Variants in ZBBX observed in about 807,000 individuals in gnomAD.
ZBBX encodes zinc finger B-box domain containing, also known as zinc finger B-box domain-containing protein 1.
In ZBBX, 101 loss-of-function variants were observed where a neutral mutation model predicts 108.5. The observed-to-expected ratio is 0.93, with a 90% CI of 0.79 to 1.10. The LOEUF (loss-of-function observed/expected upper bound fraction) is 1.10, where lower values mean the gene tolerates loss of function less well. ZBBX is among the 50% of genes least tolerant of loss of function. ZBBX has a pLI of 0.00. For missense variants in ZBBX, 1,009 were observed against 941.4 expected, an observed-to-expected ratio of 1.07 and a Z score of -0.94; for synonymous variants, 356 against 323.4, an observed-to-expected ratio of 1.10 and a Z score of -1.08.
chr3:167,355,794 T>C (rs2108518277), intron 8 of ZBBX, among the ~76,000 whole-genome samples: 1 of 152,148 alleles, frequency 6.6e-6, no homozygotes, highest in East Asian at 1.9e-4. Context: ...TTTATTCAAA[T>C]AAAATAACAT....
At chr3:167,363,391 A>C (rs1208697679) in intron 6 of ZBBX, among the ~76,000 whole-genome samples, 1 of 152,090 alleles carries the variant, frequency 6.6e-6, no homozygotes, top group Non-Finnish European at 1.5e-5. Flanking sequence ...AACTGTCCTA[A>C]GAAAGTTGAG....
the ZBBX span, among the ~76,000 whole-genome samples, chr3:167,191,772 CTTG>C: frequency 2.6e-5 from 4 of 151,440 alleles, no homozygotes; most frequent in Non-Finnish European, 5.9e-5. Flanking sequence ...ATCTTGTGAT[CTTG>C]TTGTGAAGGC....
In ZBBX at chr3:167,320,462, T is replaced by G. The variant is rs186262814; in HGVS notation, c.983+1655A>C. Among the ~76,000 whole-genome samples, 12 of 152,064 alleles carry G rather than the reference T, an allele frequency of 7.9e-5. No individual in the cohort carries two copies. The East Asian group carries it at 2.1e-3, about 27-fold the overall frequency. Reference sequence around the variant, plus strand: ...CACTTCTTTTAAGAGGAATTCCAACTAATAAATTTAGAAGGAACAAAGGAA... The same window carrying G: ...CACTTCTTTTAAGAGGAATTCCAACGAATAAATTTAGAAGGAACAAAGGAA... On this transcript the variant is annotated intron_variant, in intron 12 of 21. Coordinates refer to ENST00000675490, the MANE Select transcript of ZBBX (RefSeq NM_001199201.2).
chr3:167,356,170 G>A (rs1417719802), intron 8 of ZBBX, among the ~76,000 whole-genome samples: 1 of 151,996 alleles, frequency 6.6e-6, no homozygotes, highest in Admixed American at 6.6e-5. Flanking sequence ...AATTCAACCT[G>A]TAAGTGCCTT....
chr3:167,211,345 T>C, the ZBBX span, among the ~76,000 whole-genome samples: 5 of 152,176 alleles, frequency 3.3e-5, no homozygotes, highest in African/African-American at 7.2e-5. Context: ...CCACTCAGGC[T>C]TGTGTGGAGA....
downstream of ZBBX, among the ~76,000 whole-genome samples, chr3:167,235,647 G>T (rs1720206345): frequency 6.6e-6 from 1 of 151,500 alleles, no homozygotes; most frequent in Admixed American, 6.6e-5. Flanking sequence ...TACATTTGAA[G>T]AAATAAACCC....
At chr3:167,269,383 T>C (rs1576829149) in intron 20 of ZBBX, among the ~76,000 whole-genome samples, 1 of 152,362 alleles carries the variant, frequency 6.6e-6, no homozygotes, top group Middle Eastern at 3.4e-3. Context: ...TATTGATCCC[T>C]GAGGCAGGAA....
At chr3:167,223,575 T>A in the ZBBX span, among the ~76,000 whole-genome samples, 1 of 151,950 alleles carries the variant, frequency 6.6e-6, no homozygotes, top group African/African-American at 2.4e-5. Context: ...ATCATTGAGT[T>A]GGGTTAAACT....
At chr3:167,384,586 A>G (rs1747848672), upstream of ZBBX, among the ~76,000 whole-genome samples, 1 of 152,080 alleles carries the variant, frequency 6.6e-6, no homozygotes, top group Non-Finnish European at 1.5e-5. Context: ...GGTTACCATC[A>G]GCATGTAATC....
the ZBBX span, among the ~76,000 whole-genome samples, chr3:167,217,353 T>G: frequency 0.81 from 123,929 of 152,114 alleles, 50,890 homozygotes; most frequent in African/African-American, 0.92. Flanking sequence ...AAGCCAACAA[T>G]CATATGAAAA....
At chr3:167,353,387 T>A (rs988625524) in intron 8 of ZBBX, among the ~76,000 whole-genome samples, 3 of 151,978 alleles carry the variant, frequency 2.0e-5, no homozygotes, top group South Asian at 4.1e-4. Flanking sequence ...AAATAACTCA[T>A]AAACAAGAAG....
intron 18 of ZBBX, among the ~76,000 whole-genome samples, chr3:167,290,666 C>T (rs1201204023): frequency 6.6e-6 from 1 of 152,118 alleles, no homozygotes; most frequent in South Asian, 2.1e-4. Flanking sequence ...AGGATCACAA[C>T]TCCTCACCAC....
chr3:167,249,972 A>G (rs1000997871), intron 20 of ZBBX, among the ~76,000 whole-genome samples: 1 of 152,206 alleles, frequency 6.6e-6, no homozygotes, highest in Non-Finnish European at 1.5e-5. Flanking sequence ...TCTCAATTAT[A>G]TTAAGTTGTC....
chr3:167,207,652 A>T, the ZBBX span, among the ~76,000 whole-genome samples: 7 of 152,208 alleles, frequency 4.6e-5, no homozygotes, highest in Non-Finnish European at 7.3e-5. Context: ...AGCCAGGCAC[A>T]GAAAGACAAT....
chr3:167,352,992 A>G (rs1040920716), intron 8 of ZBBX, among the ~76,000 whole-genome samples: 3 of 152,134 alleles, frequency 2.0e-5, no homozygotes, highest in Non-Finnish European at 2.9e-5. Flanking sequence ...AAAAGTCATA[A>G]GACAACAAAC....
intron 4 of ZBBX, among the ~76,000 whole-genome samples, 187 bp downstream of exon 4, chr3:167,372,647 T>C (rs1746331297): frequency 6.6e-6 from 1 of 152,192 alleles, no homozygotes; most frequent in Non-Finnish European, 1.5e-5. Context: ...TTGGTTCTTG[T>C]GGAATAAATA....
At chr3:167,375,104 C>A (rs1162834310) in intron 2 of ZBBX, among the ~76,000 whole-genome samples, 1 of 152,144 alleles carries the variant, frequency 6.6e-6, no homozygotes, top group Non-Finnish European at 1.5e-5. Context: ...AGTCTAGAAG[C>A]TTTGCTCTAA....
At position 167,333,998 on chromosome 3, in the gene ZBBX, T is replaced by C. The variant is rs1286037501; in HGVS notation, c.529-13A>G. 6 of 1,505,020 alleles carry C rather than the reference T, an allele frequency of 4.0e-6. No individual in the cohort carries two copies. Among genetic ancestry groups the C allele is most frequent in the Non-Finnish European group, 5.3e-6 (6 of 1,122,982 alleles). The allele number at this position is 1,505,020 out of a possible 1,614,324, so 93.2% of individuals were successfully genotyped here. ...TTTGAGATTTTGCCTATTAAAAAAG[T>C]AACAATATAATTAAAGCGCCTCATA... On this transcript the variant is annotated splice_polypyrimidine_tract_variant and intron_variant, in intron 9 of 21. Coordinates refer to ENST00000675490, the MANE Select transcript of ZBBX (RefSeq NM_001199201.2).
intron 18 of ZBBX, among the ~76,000 whole-genome samples, chr3:167,290,342 G>A (rs908513495): frequency 4.6e-5 from 7 of 152,202 alleles, no homozygotes; most frequent in East Asian, 1.9e-4. Flanking sequence ...CTGGGACAAA[G>A]CTTCCAGAGG....
Sources: gnomAD v4.1 joint callset for allele counts (sites outside exome capture counted in the v4.1 genomes callset) on GRCh38, gnomAD v4.1.1 for gene constraint, MANE v1.5 for transcripts, NCBI Gene and HGNC (gene_info 2026-07-23, HGNC 2026-07-21) for gene names.